The following KHDRBS2 variants were observed in gnomAD, a reference collection of about 807,000 sequenced individuals.
The protein encoded by KHDRBS2 is KH domain-containing, RNA-binding, signal transduction-associated protein 2.
KHDRBS2 carries 26 observed loss-of-function variants against 44.3 expected under a neutral mutation model. That is an observed-to-expected ratio of 0.59 (90% CI 0.43 to 0.81). The LOEUF (loss-of-function observed/expected upper bound fraction) is 0.81. KHDRBS2 is among the 40% of genes least tolerant of loss of function. KHDRBS2 has a pLI of 0.00. For synonymous variants in KHDRBS2, 194 were observed against 151.1 expected, an observed-to-expected ratio of 1.28 and a Z score of -2.08; for missense variants, 476 against 433.1, an observed-to-expected ratio of 1.10 and a Z score of -0.88.
intron 2 of KHDRBS2, among the ~76,000 whole-genome samples, chr6:62,104,663 G>C (rs1259573892): frequency 1.3e-5 from 2 of 151,926 alleles, no homozygotes; most frequent in Non-Finnish European, 2.9e-5. Context: ...ATAAGGATAA[G>C]GGATGGCAAT....
rs1800354172 is a variant in KHDRBS2, at chr6:62,095,339, C to T, written c.220-47345G>A. Among the ~76,000 whole-genome samples the T allele has an allele frequency of 2.6e-5, 4 of 151,662 alleles. No homozygotes were observed. The South Asian group carries it at 6.2e-4, about 24-fold the overall frequency. Reference sequence around the variant, plus strand: ...GAAAGACTGCACATACAAAGGTGGTCCCATAAGCTTATAATGGAGCCGTCC... The same window carrying T: ...GAAAGACTGCACATACAAAGGTGGTTCCATAAGCTTATAATGGAGCCGTCC... On this transcript the variant is annotated intron_variant, in intron 2 of 8. Coordinates refer to ENST00000281156, the MANE Select transcript of KHDRBS2 (RefSeq NM_152688.4).
At chr6:62,168,348 TAAA>T (rs1819132096) in intron 2 of KHDRBS2, among the ~76,000 whole-genome samples, 1 of 152,148 alleles carries the variant, frequency 6.6e-6, no homozygotes, top group Non-Finnish European at 1.5e-5. Context: ...CACAGAATTC[TAAA>T]AGTACATCAA....
At chr6:61,730,995 C>A (rs1774348569) in intron 7 of KHDRBS2, among the ~76,000 whole-genome samples, 1 of 151,972 alleles carries the variant, frequency 6.6e-6, no homozygotes, top group African/African-American at 2.4e-5. Flanking sequence ...TCCAAAATTT[C>A]TTCTATTTAA....
chr6:62,186,426 C>G (rs1460783350), intron 1 of KHDRBS2, among the ~76,000 whole-genome samples: 1 of 151,966 alleles, frequency 6.6e-6, no homozygotes, highest in Non-Finnish European at 1.5e-5. Context: ...TCATTAAAAC[C>G]AAACATCGTG....
At chr6:61,758,599 T>C (rs1368494626) in intron 6 of KHDRBS2, among the ~76,000 whole-genome samples, 1 of 152,094 alleles carries the variant, frequency 6.6e-6, no homozygotes, top group Non-Finnish European at 1.5e-5. Flanking sequence ...CATGAAAAGT[T>C]AGACTCTGTC....
intron 2 of KHDRBS2, among the ~76,000 whole-genome samples, chr6:62,059,198 G>GTTTTTGTTTTTT (rs1791041134): frequency 4.0e-5 from 1 of 24,880 alleles, no homozygotes; most frequent in Non-Finnish European, 8.2e-5. Flanking sequence ...AAGTTAGGAA[G>GTTTTTGTTTTTT]TTTTTTTTTT....
At chr6:62,180,058 GACTGCATAGTAAACCATCATCCTCAGCAA>G (rs1821937102) in intron 1 of KHDRBS2, among the ~76,000 whole-genome samples, 1 of 151,714 alleles carries the variant, frequency 6.6e-6, no homozygotes, top group Non-Finnish European at 1.5e-5. Flanking sequence ...CATTTTTTAT[GACTGCATAGTAAACCATCATCCTCAGCAA>G]ACTAACACAA....
chr6:62,251,745 G>T (rs1430507936), intron 1 of KHDRBS2, among the ~76,000 whole-genome samples: 1 of 151,840 alleles, frequency 6.6e-6, no homozygotes, highest in African/African-American at 2.4e-5. Flanking sequence ...CACTACATTT[G>T]ATGTAATCAC....
chr6:61,924,649 A>G (rs1400930825), intron 4 of KHDRBS2, among the ~76,000 whole-genome samples: 1 of 151,870 alleles, frequency 6.6e-6, no homozygotes, highest in Non-Finnish European at 1.5e-5. Flanking sequence ...TTTATCTAGT[A>G]ATTTATTTAT....
intron 4 of KHDRBS2, 67 bp from the exon 5 acceptor site, chr6:61,901,438 A>T: frequency 7.9e-7 from 1 of 1,270,578 alleles, no homozygotes; most frequent in Non-Finnish European, 1.1e-6. Context: ...GGAAAAAAAA[A>T]AAAAGAAACA....
intron 1 of KHDRBS2, among the ~76,000 whole-genome samples, chr6:62,206,288 G>T (rs568632583): frequency 6.6e-6 from 1 of 151,976 alleles, no homozygotes; most frequent in Non-Finnish European, 1.5e-5. Context: ...GCACAAACAG[G>T]TCATAATAAA....
chr6:61,659,856 G>A, the KHDRBS2 span, among the ~76,000 whole-genome samples: 1 of 151,730 alleles, frequency 6.6e-6, no homozygotes, highest in East Asian at 2.0e-4. Context: ...ATGTGAGCAG[G>A]CCATACTGTT....
chr6:61,902,548 A>T (rs1241975005), intron 4 of KHDRBS2, among the ~76,000 whole-genome samples: 1 of 152,040 alleles, frequency 6.6e-6, no homozygotes, highest in Non-Finnish European at 1.5e-5. Context: ...CCCCTGGTTG[A>T]ATAGTACAAA....
chr6:61,888,807 C>T (rs1456578373), intron 6 of KHDRBS2, among the ~76,000 whole-genome samples: 2 of 151,970 alleles, frequency 1.3e-5, no homozygotes, highest in Admixed American at 1.3e-4. Context: ...GTGATCCACC[C>T]ACCCCGGCCT....
At chr6:62,264,711 G>T (rs904249985) in intron 1 of KHDRBS2, among the ~76,000 whole-genome samples, 1 of 151,434 alleles carries the variant, frequency 6.6e-6, no homozygotes, top group South Asian at 2.1e-4. Context: ...ACATCATTCC[G>T]ACTGCCTTTC....
the KHDRBS2 span, among the ~76,000 whole-genome samples, chr6:61,557,941 T>C: frequency 1.3e-5 from 2 of 152,184 alleles, no homozygotes; most frequent in Non-Finnish European, 2.9e-5. Flanking sequence ...TTGCTCCAAG[T>C]AATCTCTAAT....
intron 3 of KHDRBS2, among the ~76,000 whole-genome samples, chr6:62,027,036 T>G (rs1224874841): frequency 6.6e-6 from 1 of 151,782 alleles, no homozygotes; most frequent in Non-Finnish European, 1.5e-5. Flanking sequence ...TTTCGAGAAC[T>G]CTTATTGTAC....
chr6:61,668,980 T>C, the KHDRBS2 span, among the ~76,000 whole-genome samples: 4 of 150,924 alleles, frequency 2.7e-5, no homozygotes, highest in African/African-American at 9.7e-5. Context: ...AATTTCCCAT[T>C]TATTTTCATT....
At position 62,163,456 on chromosome 6, in the gene KHDRBS2, T is replaced by A. The variant is rs1818049667; in HGVS notation, c.219+13729A>T. On this transcript the variant is annotated intron_variant, in intron 2 of 8. Coordinates refer to ENST00000281156, the MANE Select transcript of KHDRBS2 (RefSeq NM_152688.4). ...AATTATTCATATACAGACTGATGAG[T>A]AGCACAAATACTGTAGAAATGATTC... Among the ~76,000 whole-genome samples, 2 of 152,010 alleles carry A rather than the reference T, an allele frequency of 1.3e-5. 1 individual carries two copies. The highest frequency in any genetic ancestry group is 4.1e-4 in the South Asian group (2 of 4,830).
Sources: allele counts gnomAD v4.1 joint callset (sites outside exome capture counted in the v4.1 genomes callset), GRCh38; gene constraint gnomAD v4.1.1; transcripts MANE v1.5; gene names NCBI Gene and HGNC (gene_info 2026-07-23, HGNC 2026-07-21).